Variants in LDLRAD4 observed in about 807,000 individuals in gnomAD.
LDLRAD4 encodes the protein low-density lipoprotein receptor class A domain-containing protein 4.
LDLRAD4 carries 5 observed loss-of-function variants against 17.0 expected under a neutral mutation model. The ratio of observed to expected loss-of-function variants is 0.29; its 90% CI spans 0.15 to 0.62. LDLRAD4 has a LOEUF of 0.62. Among genes scored for constraint, LDLRAD4 ranks in the 20% least tolerant of loss-of-function variants. LDLRAD4 has a pLI of 0.84. For missense variants in LDLRAD4, 340 were observed against 424.7 expected (o/e 0.80, Z 1.75); for synonymous variants, 168 against 171.8 (o/e 0.98, Z 0.17).
At chr18:13,382,639 G>GTGTGTGCA (rs1292959200) in intron 1 of LDLRAD4, 1 of 151,772 alleles carries the variant, frequency 6.6e-6, no homozygotes, top group Non-Finnish European at 1.5e-5. Context: ...GTGTGTGTGC[G>GTGTGTGCA]TGTGTGCATG....
intron 3 of LDLRAD4, among the ~76,000 whole-genome samples, chr18:13,610,305 T>TTTTTTC (rs1491536129): frequency 0.038 from 935 of 24,334 alleles, 308 homozygotes; most frequent in Middle Eastern, 0.059. Context: ...TTTTTTTTTT[T>TTTTTTC]GAGACGGAGT....
intron 3 of LDLRAD4, among the ~76,000 whole-genome samples, chr18:13,510,001 A>G (rs7240391): frequency 0.38 from 57,358 of 152,132 alleles, 11,883 homozygotes; most frequent in Middle Eastern, 0.56. Context: ...AGACTACAGT[A>G]TGGTGGAAAC....
At chr18:13,467,039 A>G (rs781644127) in intron 3 of LDLRAD4, among the ~76,000 whole-genome samples, 4 of 152,208 alleles carry the variant, frequency 2.6e-5, no homozygotes, top group Non-Finnish European at 4.4e-5. Context: ...TGAAAAACCT[A>G]CTAATACCAT....
At chr18:13,455,143 G>A (rs977260847) in intron 3 of LDLRAD4, among the ~76,000 whole-genome samples, 4 of 152,152 alleles carry the variant, frequency 2.6e-5, no homozygotes, top group Non-Finnish European at 5.9e-5. Context: ...CAGGTGTCCT[G>A]GCACCAGGAC....
intron 1 of LDLRAD4, among the ~76,000 whole-genome samples, chr18:13,286,261 C>T (rs2045617290): frequency 1.3e-5 from 2 of 152,224 alleles, no homozygotes; most frequent in Admixed American, 6.5e-5. Flanking sequence ...GAGCCTATCT[C>T]AGAATCTCCT....
At chr18:13,627,882 C>G (rs2041315337) in intron 4 of LDLRAD4, among the ~76,000 whole-genome samples, 1 of 152,324 alleles carries the variant, frequency 6.6e-6, no homozygotes, top group East Asian at 1.9e-4. Context: ...GTCTGACAGC[C>G]AGGAGCCCGC....
At chr18:13,361,686 G>A (rs1480008737) in intron 1 of LDLRAD4, among the ~76,000 whole-genome samples, 1 of 152,206 alleles carries the variant, frequency 6.6e-6, no homozygotes, top group African/African-American at 2.4e-5. Flanking sequence ...TGTTAGGGCT[G>A]GAGGTGAGGC....
chr18:13,390,281 T>G (rs1248686139), intron 2 of LDLRAD4, among the ~76,000 whole-genome samples: 1 of 152,250 alleles, frequency 6.6e-6, no homozygotes, highest in East Asian at 1.9e-4. Context: ...AGCCGCCGTT[T>G]TGGAGCCACA....
chr18:13,272,591 G>A (rs2044627929), intron 1 of LDLRAD4, among the ~76,000 whole-genome samples: 1 of 152,320 alleles, frequency 6.6e-6, no homozygotes, highest in Admixed American at 6.5e-5. Flanking sequence ...CCCATGCCGC[G>A]TGCTCCGTAT....
rs1479600979 is a variant in LDLRAD4, at chr18:13,622,552, G to T, written c.336+1281G>T. The stretch of plus-strand genomic sequence containing the variant: ...CCACAAGCCCCTCTGGCCCTGTTGT[G>T]TTACTTTCCTCGAGCCTCCACAGCA... On this transcript the variant is annotated intron_variant, in intron 4 of 5. Coordinates refer to ENST00000359446, the Ensembl canonical transcript of LDLRAD4. This position sits in a 1 kb window ranked among gnomAD's most constrained non-coding sequence, Gnocchi z 5.3. 1.3e-5 allele frequency among the ~76,000 whole-genome samples: 2 copies of T among 152,168 alleles called. No homozygotes were observed. Among genetic ancestry groups the T allele is most frequent in the Non-Finnish European group, 2.9e-5 (2 of 68,030 alleles).
chr18:13,429,764 C>T lies in LDLRAD4; in HGVS notation c.41-8480C>T, dbSNP rs139739219. ...TCCCCTGCATGCAGACCTGAGCCAG[C>T]GCTCAGGGTTCCTGACGCAGCTCCC... is the stretch of plus-strand genomic sequence containing the variant. On this transcript the variant is annotated intron_variant, in intron 2 of 5. Coordinates refer to ENST00000359446, the Ensembl canonical transcript of LDLRAD4. Among the ~76,000 whole-genome samples the T allele has an allele frequency of 3.9e-5, 6 of 152,358 alleles. No homozygotes were observed. In the East Asian group the frequency reaches 1.2e-3, roughly 29 times the overall value.
chr18:13,379,352 G>A (rs2085167413), intron 1 of LDLRAD4, among the ~76,000 whole-genome samples: 1 of 152,256 alleles, frequency 6.6e-6, no homozygotes, highest in South Asian at 2.1e-4. Flanking sequence ...CAGGACAGAG[G>A]CCATAGATTG....
chr18:13,542,267 A>G (rs2094295407), intron 3 of LDLRAD4: 1 of 152,148 alleles, frequency 6.6e-6, no homozygotes, highest in African/African-American at 2.4e-5. Context: ...GAGACAGTAA[A>G]TATTTGGCTG....
chr18:13,544,288 A>G (rs540832266), intron 3 of LDLRAD4, among the ~76,000 whole-genome samples: 1 of 152,352 alleles, frequency 6.6e-6, no homozygotes, highest in African/African-American at 2.4e-5. Flanking sequence ...CTAGGGTGCC[A>G]TGGAGGCACA....
rs1278619107 is a variant in LDLRAD4 at position 13,621,800 on chromosome 18, G to A, written c.336+529G>A. Among the ~76,000 whole-genome samples the A allele has an allele frequency of 4.6e-5, 7 of 151,926 alleles. No homozygotes were observed. Among genetic ancestry groups the A allele is most frequent in the African/African-American group, 1.2e-4 (5 of 41,354 alleles). On this transcript the variant is annotated intron_variant, in intron 4 of 5. Coordinates refer to ENST00000359446, the Ensembl canonical transcript of LDLRAD4. The surrounding 1 kb of genome is among the most constrained non-coding windows in gnomAD (Gnocchi z 5.5). ...GGGGATCGGCGGTGGGGTTGTTGGC[G>A]GTGGGCTTGTCAGCGGTGGGCTTGT...
intron 1 of LDLRAD4, among the ~76,000 whole-genome samples, chr18:13,375,046 C>T (rs547011663): frequency 6.6e-6 from 1 of 152,118 alleles, no homozygotes; most frequent in Non-Finnish European, 1.5e-5. Flanking sequence ...CGGTTTTTGG[C>T]GATCTGAGGT....
At chr18:13,468,033 C>A (rs1026848219) in intron 3 of LDLRAD4, among the ~76,000 whole-genome samples, 1 of 151,870 alleles carries the variant, frequency 6.6e-6, no homozygotes, top group Non-Finnish European at 1.5e-5. Context: ...GCATAAAATT[C>A]GTAGGAGAAA....
exon 2 of LDLRAD4, chr18:13,387,608 C>A: frequency 2.1e-6 from 2 of 966,550 alleles, no homozygotes; most frequent in Admixed American, 1.8e-5. Flanking sequence ...CAGAGGCCGG[C>A]CCAGCAGAGC....
chr18:13,378,507 C>G (rs1250059370), intron 1 of LDLRAD4, among the ~76,000 whole-genome samples: 2 of 152,106 alleles, frequency 1.3e-5, no homozygotes, highest in Admixed American at 6.5e-5. Flanking sequence ...CAGACAGGAC[C>G]CTGCGTGATG....
Sources: gnomAD v4.1 joint callset for allele counts (sites outside exome capture counted in the v4.1 genomes callset) on GRCh38, gnomAD v4.1.1 for gene constraint, Gnocchi (gnomAD v3.1) non-coding constraint, MANE v1.5 for transcripts, NCBI Gene and HGNC (gene_info 2026-07-23, HGNC 2026-07-21) for gene names.